Variants in RNF180 observed in about 807,000 individuals in gnomAD.
The protein encoded by RNF180 is E3 ubiquitin-protein ligase RNF180.
A neutral mutation model predicts 59.2 loss-of-function variants in RNF180; 38 were observed. That is an observed-to-expected ratio of 0.64 (90% CI 0.50 to 0.84). The LOEUF (loss-of-function observed/expected upper bound fraction) is 0.84. Among genes scored for constraint, RNF180 ranks in the 40% least tolerant of loss-of-function variants. RNF180 has a pLI of 0.00. For synonymous variants in RNF180, 262 were observed against 240.3 expected (o/e 1.09, Z -0.84); for missense variants, 705 against 700.9 (o/e 1.01, Z -0.07).
At chr5:64,305,700 A>G (rs1168434819) in intron 5 of RNF180, among the ~76,000 whole-genome samples, 1 of 151,562 alleles carries the variant, frequency 6.6e-6, no homozygotes, top group African/African-American at 2.4e-5. Context: ...TAATTACTAC[A>G]TGTTAATGTA....
intron 5 of RNF180, among the ~76,000 whole-genome samples, chr5:64,229,004 T>C (rs1219618228): frequency 6.7e-6 from 1 of 148,364 alleles, no homozygotes; most frequent in Non-Finnish European, 1.5e-5. Context: ...TCACTGCAAC[T>C]TCTGCCTCCT....
At chr5:64,356,857 C>T (rs1580304958) in intron 7 of RNF180, among the ~76,000 whole-genome samples, 1 of 151,772 alleles carries the variant, frequency 6.6e-6, no homozygotes, top group African/African-American at 2.4e-5. Flanking sequence ...TTAATGGCTA[C>T]AGTTTCTGTT....
Position 64,369,987 on chromosome 5 carries a change from C to G in RNF180, c.*173C>G. The G allele has an allele frequency of 2.2e-6, 1 of 463,506 alleles. No homozygotes were observed. The highest frequency in any genetic ancestry group is 3.8e-6 in the Non-Finnish European group (1 of 265,746). 28.7% of individuals were successfully genotyped at this position (463,506 alleles called of 1,614,324 possible). A position where few individuals can be genotyped will look rare whatever the true frequency, so the allele number is the denominator to read the frequency against. On this transcript the variant is annotated 3_prime_UTR_variant, in exon 8 of 8. Coordinates refer to ENST00000389100, the MANE Select transcript of RNF180 (RefSeq NM_001113561.2). ...TTATTAATGTTTTTCATGTAACAAA[C>G]TAAACTTTATTCAAGAGCTAACCTA...
intron 5 of RNF180, among the ~76,000 whole-genome samples, chr5:64,246,228 A>T (rs549796058): frequency 6.6e-6 from 1 of 152,288 alleles, no homozygotes; most frequent in South Asian, 2.1e-4. Flanking sequence ...GAGCAAAGAA[A>T]TTCAAAAGCT....
At chr5:64,353,548 C>T (rs1405497711) in intron 7 of RNF180, among the ~76,000 whole-genome samples, 1 of 151,410 alleles carries the variant, frequency 6.6e-6, no homozygotes, top group Non-Finnish European at 1.5e-5. Context: ...TAATTGTGTC[C>T]AATTTGAAAT....
intron 1 of RNF180, among the ~76,000 whole-genome samples, chr5:64,194,318 T>G (rs993552514): frequency 6.6e-6 from 1 of 152,202 alleles, no homozygotes; most frequent in East Asian, 1.9e-4. Flanking sequence ...TCCATGTCCC[T>G]ACAAAGGACA....
intron 5 of RNF180, among the ~76,000 whole-genome samples, chr5:64,236,545 G>A (rs1005970406): frequency 1.3e-5 from 2 of 152,216 alleles, no homozygotes; most frequent in African/African-American, 4.8e-5. Context: ...CCCATTTTCT[G>A]AGGAGGAATG....
intron 5 of RNF180, among the ~76,000 whole-genome samples, chr5:64,269,783 T>G (rs990794380): frequency 6.6e-6 from 1 of 152,128 alleles, no homozygotes; most frequent in African/African-American, 2.4e-5. Context: ...ACCAAACATT[T>G]TGGCATGTAT....
At chr5:64,330,991 C>T (rs1379643670) in intron 7 of RNF180, among the ~76,000 whole-genome samples, 10 of 152,240 alleles carry the variant, frequency 6.6e-5, no homozygotes, top group Non-Finnish European at 1.3e-4. Flanking sequence ...GCTGCCTGGC[C>T]TCTCCATGCT....
In RNF180 at chr5:64,287,839, A is replaced by T. The variant is rs2112412921; in HGVS notation, c.1228-37347A>T. Among the ~76,000 whole-genome samples the T allele has an allele frequency of 3.9e-5, 6 of 152,056 alleles. No individual in the cohort carries two copies. The South Asian group carries it at 1.2e-3, about 32-fold the overall frequency. On this transcript the variant is annotated intron_variant, in intron 5 of 7. Coordinates refer to ENST00000389100, the MANE Select transcript of RNF180 (RefSeq NM_001113561.2). ...AGATAGATTGCAAAAGTTTTCTCCC[A>T]TTCTTTAGGTTGTCGGTTCACTCTG...
chr5:64,306,985 TAAAAAATA>T (rs921650664), intron 5 of RNF180, among the ~76,000 whole-genome samples: 3 of 146,698 alleles, frequency 2.0e-5, no homozygotes, highest in Non-Finnish European at 4.5e-5. Context: ...AATAATAAAA[TAAAAAATA>T]AAAAAATAAA....
At position 64,314,086 on chromosome 5, in the gene RNF180, A is replaced by G. The variant is rs186398072; in HGVS notation, c.1228-11100A>G. ...GCATAGTTTGAAAATACTTTGCCCC[A>G]TTCTATAGGTTGTCTGTTTACTCTG... On this transcript the variant is annotated intron_variant, in intron 5 of 7. Transcript: ENST00000389100. Among the ~76,000 whole-genome samples the G allele has an allele frequency of 5.3e-5, 8 of 152,218 alleles. No individual in the cohort carries two copies. In the East Asian group the frequency reaches 1.5e-3, roughly 29 times the overall value.
At chr5:64,240,068 C>T (rs1742707207) in intron 5 of RNF180, among the ~76,000 whole-genome samples, 1 of 152,116 alleles carries the variant, frequency 6.6e-6, no homozygotes, top group African/African-American at 2.4e-5. Context: ...AACTCATTAA[C>T]TGAGGAACCA....
chr5:64,212,638 C>T (rs1752369403), intron 3 of RNF180, among the ~76,000 whole-genome samples: 1 of 151,954 alleles, frequency 6.6e-6, no homozygotes, highest in South Asian at 2.1e-4. Flanking sequence ...CATAAATGCA[C>T]AAGCATACAA....
intron 5 of RNF180, among the ~76,000 whole-genome samples, chr5:64,262,094 T>C (rs1744373043): frequency 6.6e-6 from 1 of 152,176 alleles, no homozygotes; most frequent in South Asian, 2.1e-4. Context: ...TAGATGACTT[T>C]GGGCAGCTTT....
intron 5 of RNF180, among the ~76,000 whole-genome samples, chr5:64,289,960 T>C (rs1413512282): frequency 6.6e-6 from 1 of 152,176 alleles, no homozygotes; most frequent in Admixed American, 6.5e-5. Context: ...TCTCTAGTTA[T>C]TTTACTTGTG....
At chr5:64,225,892 CCCGG>C (rs1741706646) in intron 5 of RNF180, among the ~76,000 whole-genome samples, 2 of 141,622 alleles carry the variant, frequency 1.4e-5, no homozygotes, top group South Asian at 2.3e-4. Flanking sequence ...AGTGCCTCTG[CCCGG>C]CCACCCCATC....
intron 1 of RNF180, among the ~76,000 whole-genome samples, chr5:64,169,257 A>G (rs539020433): frequency 9.2e-5 from 14 of 152,306 alleles, no homozygotes; most frequent in African/African-American, 3.1e-4. Context: ...TTATTTAACA[A>G]TTCTGTCCTT....
chr5:64,196,944 A>G (rs1751484744), intron 1 of RNF180, among the ~76,000 whole-genome samples: 1 of 152,162 alleles, frequency 6.6e-6, no homozygotes, highest in Non-Finnish European at 1.5e-5. Flanking sequence ...AATTTTAAAA[A>G]TCGTTTTATT....
Sources: allele counts gnomAD v4.1 joint callset (sites outside exome capture counted in the v4.1 genomes callset), GRCh38; gene constraint gnomAD v4.1.1; transcripts MANE v1.5; gene names NCBI Gene and HGNC (gene_info 2026-07-23, HGNC 2026-07-21).